The following TBCD variants were observed in gnomAD, a reference collection of about 807,000 sequenced individuals.
TBCD encodes the protein tubulin folding cofactor D, also known as tubulin-specific chaperone D.
TBCD carries 105 observed loss-of-function variants against 169.3 expected under a neutral mutation model. The ratio of observed to expected loss-of-function variants is 0.62; its 90% CI spans 0.53 to 0.73. The LOEUF (loss-of-function observed/expected upper bound fraction) is 0.73. Among genes scored for constraint, TBCD ranks in the 30% least tolerant of loss-of-function variants. The pLI is 0.00. For synonymous variants in TBCD, 700 were observed against 643.9 expected, an observed-to-expected ratio of 1.09 and a Z score of -1.32; for missense variants, 1,444 against 1,600.1, an observed-to-expected ratio of 0.90 and a Z score of 1.66.
chr17:82,904,518 C>T (rs1414916395), intron 19 of TBCD, among the ~76,000 whole-genome samples: 1 of 152,268 alleles, frequency 6.6e-6, no homozygotes, highest in Admixed American at 6.5e-5. Context: ...GCTAAGTCTG[C>T]ACTTCTTACA....
chr17:82,918,114 G>A (rs1004657180), intron 23 of TBCD, among the ~76,000 whole-genome samples: 1 of 152,166 alleles, frequency 6.6e-6, no homozygotes, highest in Non-Finnish European at 1.5e-5. Flanking sequence ...CTTCCTCCGC[G>A]GTGACTCCGG....
chr17:82,838,198 A>G lies in TBCD; in HGVS notation c.1318+23264A>G, dbSNP rs116748446. On this transcript the variant is annotated intron_variant, in intron 13 of 38. Coordinates refer to ENST00000355528, the MANE Select transcript of TBCD (RefSeq NM_005993.5). ...ATGGGGTTGTGTCTAAATTGCCAAT[A>G]TACTGTCTTTCCAAAGGTTCCTAAG... Among the ~76,000 whole-genome samples the G allele has an allele frequency of 7.8e-3, 1,185 of 152,318 alleles. 14 individuals are homozygous for G. Among genetic ancestry groups the G allele is most frequent in the African/African-American group, 0.027 (1,124 of 41,560 alleles).
At chr17:82,752,513 C>A in intron 1 of TBCD, 136 bp downstream of exon 1, 1 of 713,214 alleles carries the variant, frequency 1.4e-6, no homozygotes, top group Non-Finnish European at 1.8e-6. Context: ...GTCCCGCGGG[C>A]CGTGGTGGGG....
intron 27 of TBCD, among the ~76,000 whole-genome samples, chr17:82,925,933 C>T (rs2061712968): frequency 1.3e-5 from 2 of 148,714 alleles, no homozygotes; most frequent in South Asian, 4.3e-4. Context: ...GTGACCTCTC[C>T]CCGGGTGTCC....
chr17:82,796,224 G>A (rs1178451587), intron 7 of TBCD: 1 of 152,252 alleles, frequency 6.6e-6, no homozygotes, highest in African/African-American at 2.4e-5. Context: ...CCGTTGCGGG[G>A]AGCTCGCCTG....
chr17:82,924,763 C>A (rs916622136), intron 26 of TBCD, among the ~76,000 whole-genome samples, 176 bp from the exon 27 acceptor site: 8 of 151,910 alleles, frequency 5.3e-5, no homozygotes, highest in Non-Finnish European at 7.4e-5. Context: ...AAAAAAAATT[C>A]TCTTTCTGAT....
chr17:82,772,368 G>A, intron 5 of TBCD, 84 bp from the exon 6 acceptor site: 1 of 1,408,022 alleles, frequency 7.1e-7, no homozygotes. Context: ...GGGAGCTGGT[G>A]AGGGTGGGAC....
At chr17:82,911,622 C>T (rs1417363809) in intron 22 of TBCD, 136 bp from the exon 23 acceptor site, 1 of 828,998 alleles carries the variant, frequency 1.2e-6, no homozygotes, top group Non-Finnish European at 2.0e-6. Flanking sequence ...TAAAAGGTTG[C>T]TCATGCTCAG....
intron 5 of TBCD, among the ~76,000 whole-genome samples, chr17:82,769,019 T>G (rs1384142219): frequency 6.6e-6 from 1 of 152,242 alleles, no homozygotes. Context: ...GTAAATATTA[T>G]GCATATAAAC....
intron 3 of TBCD, among the ~76,000 whole-genome samples, chr17:82,765,463 G>T (rs1378424285): frequency 6.6e-6 from 1 of 152,046 alleles, no homozygotes; most frequent in East Asian, 1.9e-4. Flanking sequence ...TGGCCCAGAG[G>T]CTCACTGTTG....
At position 82,915,653 on chromosome 17, in the gene TBCD, G is replaced by GT. The variant is rs899707024; in HGVS notation, c.2038+3871dup. Among the ~76,000 whole-genome samples, 5 of 152,304 alleles carry GT rather than the reference G, an allele frequency of 3.3e-5. No homozygotes were observed. Among genetic ancestry groups the GT allele is most frequent in the Non-Finnish European group, 4.4e-5 (3 of 68,012 alleles). ...GTTTCAGTGTCTTAAAACCACAGGTGTTTTTTTATCCTGCTCACATGTGGA... is the reference window on the plus strand; with the variant it reads ...GTTTCAGTGTCTTAAAACCACAGGTGTTTTTTTTATCCTGCTCACATGTGGA... On this transcript the variant is annotated intron_variant, in intron 23 of 38. Coordinates refer to ENST00000355528, the MANE Select transcript of TBCD (RefSeq NM_005993.5). The surrounding 1 kb of genome is among the most constrained non-coding windows in gnomAD (Gnocchi z 4.3).
intron 13 of TBCD, among the ~76,000 whole-genome samples, chr17:82,844,963 G>A (rs1016865736): frequency 6.6e-6 from 1 of 152,110 alleles, no homozygotes; most frequent in African/African-American, 2.4e-5. Flanking sequence ...ACCCAGCCCA[G>A]AGGGCGATGA....
At chr17:82,754,477 T>C (rs910295194) in intron 1 of TBCD, among the ~76,000 whole-genome samples, 1 of 152,240 alleles carries the variant, frequency 6.6e-6, no homozygotes, top group African/African-American at 2.4e-5. Flanking sequence ...ACTGGGGAAC[T>C]CGCATGTCTT....
At chr17:82,755,918 C>T (rs1169285466) in intron 1 of TBCD, among the ~76,000 whole-genome samples, 2 of 152,098 alleles carry the variant, frequency 1.3e-5, no homozygotes, top group Admixed American at 1.3e-4. Context: ...AAAAGAGGAA[C>T]AGTGTGCCAA....
At chr17:82,807,699 G>C in intron 11 of TBCD, 31 bp downstream of exon 11, 1 of 1,433,906 alleles carries the variant, frequency 7.0e-7, no homozygotes, top group Non-Finnish European at 9.2e-7. Flanking sequence ...AAGCACCCCG[G>C]GGGGTGGGCC....
chr17:82,852,081 T>C (rs2055839905), intron 13 of TBCD, among the ~76,000 whole-genome samples: 1 of 152,134 alleles, frequency 6.6e-6, no homozygotes, highest in African/African-American at 2.4e-5. Flanking sequence ...TTTGCAGCCA[T>C]CGCCACAGTC....
At chr17:82,907,482 A>G (rs535037368) in intron 20 of TBCD, among the ~76,000 whole-genome samples, 1 of 152,332 alleles carries the variant, frequency 6.6e-6, no homozygotes, top group South Asian at 2.1e-4. Flanking sequence ...CAGGAGTTTG[A>G]GACCAGCCTG....
chr17:82,852,391 C>T (rs2055869904), intron 13 of TBCD, among the ~76,000 whole-genome samples: 1 of 152,180 alleles, frequency 6.6e-6, no homozygotes, highest in Non-Finnish European at 1.5e-5. Context: ...CAAGTCACCA[C>T]AGATGGGGGC....
chr17:82,853,679 A>G (rs1322647701), intron 13 of TBCD, among the ~76,000 whole-genome samples: 1 of 152,028 alleles, frequency 6.6e-6, no homozygotes, highest in Non-Finnish European at 1.5e-5. Context: ...TATTGCGATT[A>G]CAGGCATGAG....
Sources: gnomAD v4.1 joint callset for allele counts (sites outside exome capture counted in the v4.1 genomes callset) on GRCh38, gnomAD v4.1.1 for gene constraint, Gnocchi (gnomAD v3.1) non-coding constraint, MANE v1.5 for transcripts, NCBI Gene and HGNC (gene_info 2026-07-23, HGNC 2026-07-21) for gene names.